The following GRID1 variants were observed in gnomAD, a reference collection of about 807,000 sequenced individuals.
GRID1 encodes the protein glutamate receptor ionotropic, delta-1.
A neutral mutation model predicts 98.0 loss-of-function variants in GRID1; 28 were observed. That is an observed-to-expected ratio of 0.29 (90% CI 0.21 to 0.39). The LOEUF is 0.39. Among genes scored for constraint, GRID1 ranks in the 10% least tolerant of loss-of-function variants. The pLI, the probability that GRID1 is intolerant of heterozygous loss-of-function variation, is 1.00. For synonymous variants in GRID1, 553 were observed against 538.5 expected, an observed-to-expected ratio of 1.03 and a Z score of -0.37; for missense variants, 1,111 against 1,340.5, an observed-to-expected ratio of 0.83 and a Z score of 2.67.
chr10:86,102,752 A>G (rs1844315610), intron 4 of GRID1, among the ~76,000 whole-genome samples: 1 of 151,890 alleles, frequency 6.6e-6, no homozygotes, highest in African/African-American at 2.4e-5. Context: ...TCAAAACCAG[A>G]CTGCGAGGCC....
rs77259441 is a variant in GRID1, at chr10:85,858,027, C to T, written c.952-1837G>A. ...TGCAAGGCATCACAAACATCTGCCCCGTCATGCCTGTCCAGCCCTCAAGGG... is the reference window on the plus strand; with the variant it reads ...TGCAAGGCATCACAAACATCTGCCCTGTCATGCCTGTCCAGCCCTCAAGGG... On this transcript the variant is annotated intron_variant, in intron 6 of 15. Coordinates refer to ENST00000327946, the MANE Select transcript of GRID1 (RefSeq NM_017551.3). Among the ~76,000 whole-genome samples the T allele has an allele frequency of 5.5e-3, 842 of 152,346 alleles. 6 individuals are homozygous for T. Among genetic ancestry groups the T allele is most frequent in the African/African-American group, 0.019 (782 of 41,578 alleles).
chr10:86,040,987 T>G (rs1843337636), intron 4 of GRID1, among the ~76,000 whole-genome samples: 1 of 152,144 alleles, frequency 6.6e-6, no homozygotes. Context: ...GCTGCACAAC[T>G]TGGCTCTCTC....
chr10:85,721,402 A>G (rs11201752), intron 12 of GRID1, among the ~76,000 whole-genome samples: 9,044 of 152,272 alleles, frequency 0.059, 506 homozygotes, highest in African/African-American at 0.15. Context: ...GCAAATGTTC[A>G]TGGCAGCTTT....
intron 2 of GRID1, among the ~76,000 whole-genome samples, chr10:86,268,482 G>A (rs570487738): frequency 2.6e-4 from 40 of 152,182 alleles, no homozygotes; most frequent in Non-Finnish European, 5.7e-4. Flanking sequence ...GGGGTTGTTT[G>A]TTACCACGGG....
chr10:86,102,931 G>C (rs1364296413), intron 4 of GRID1, among the ~76,000 whole-genome samples: 1 of 152,132 alleles, frequency 6.6e-6, no homozygotes, highest in Non-Finnish European at 1.5e-5. Context: ...AGTCTCATGA[G>C]AACTGACAGT....
chr10:85,657,173 C>T (rs747117456), intron 12 of GRID1, among the ~76,000 whole-genome samples: 2 of 152,304 alleles, frequency 1.3e-5, no homozygotes, highest in Admixed American at 6.5e-5. Flanking sequence ...TTCTCCAGGA[C>T]GCCTTTGCTG....
chr10:86,130,667 C>A (rs7923310), intron 4 of GRID1, among the ~76,000 whole-genome samples: 10,976 of 152,236 alleles, frequency 0.072, 779 homozygotes, highest in African/African-American at 0.17. Flanking sequence ...CTACTGAGAG[C>A]CACTTCCATC....
intron 4 of GRID1, among the ~76,000 whole-genome samples, chr10:85,940,542 GTCTGGGTGACTTACAGC>G (rs535805504): frequency 8.3e-4 from 127 of 152,312 alleles, no homozygotes; most frequent in African/African-American, 2.9e-3. Context: ...TTCTATCGAT[GTCTGGGTGACTTACAGC>G]TCTGGAAATA....
intron 3 of GRID1, among the ~76,000 whole-genome samples, chr10:86,156,166 G>C (rs924421799): frequency 1.3e-5 from 2 of 152,246 alleles, no homozygotes; most frequent in African/African-American, 2.4e-5. Flanking sequence ...GGAGAAGAGA[G>C]GGGCAGCAGA....
At chr10:86,227,257 C>G (rs541966987) in intron 2 of GRID1, among the ~76,000 whole-genome samples, 1 of 152,326 alleles carries the variant, frequency 6.6e-6, no homozygotes, top group East Asian at 1.9e-4. Flanking sequence ...CCGCCCCTCC[C>G]CTCAAAGGGG....
intron 4 of GRID1, among the ~76,000 whole-genome samples, chr10:85,978,599 A>G (rs916203603): frequency 3.3e-5 from 5 of 152,002 alleles, no homozygotes; most frequent in African/African-American, 4.8e-5. Context: ...TGTGTAATGG[A>G]CAATTACTTT....
chr10:86,118,330 G>A (rs1010326480), intron 4 of GRID1, among the ~76,000 whole-genome samples: 4 of 152,070 alleles, frequency 2.6e-5, no homozygotes, highest in African/African-American at 7.2e-5. Flanking sequence ...TGGAGACTCG[G>A]GGGAAAGGGT....
chr10:86,349,106 C>T (rs967119021), intron 2 of GRID1, among the ~76,000 whole-genome samples: 2 of 152,208 alleles, frequency 1.3e-5, no homozygotes, highest in Non-Finnish European at 2.9e-5. Flanking sequence ...GCAATACCTC[C>T]CTGCCAAGCT....
chr10:86,147,699 T>C (rs553267893), intron 3 of GRID1, among the ~76,000 whole-genome samples: 1 of 152,344 alleles, frequency 6.6e-6, no homozygotes, highest in African/African-American at 2.4e-5. Flanking sequence ...CTTTGACATC[T>C]GGGGCCTCAC....
intron 8 of GRID1, among the ~76,000 whole-genome samples, chr10:85,746,318 G>C (rs1397997798): frequency 1.3e-5 from 2 of 152,080 alleles, no homozygotes; most frequent in African/African-American, 2.4e-5. Flanking sequence ...CATTCGAGAG[G>C]GGTGTGAACC....
intron 3 of GRID1, among the ~76,000 whole-genome samples, chr10:86,197,584 T>G (rs2132012894): frequency 6.6e-6 from 1 of 151,978 alleles, no homozygotes; most frequent in South Asian, 2.1e-4. Flanking sequence ...GGCACAATGG[T>G]GTGTGGTGAG....
chr10:85,916,288 G>T lies in GRID1; in HGVS notation c.727-49C>A, dbSNP rs766215105. 5.3e-6 allele frequency: 7 copies of T among 1,313,864 alleles called. No homozygotes were observed. The Admixed American group carries it at 8.4e-5, about 16-fold the overall frequency. 81.4% of individuals were successfully genotyped at this position (1,313,864 alleles called of 1,614,324 possible). A position where few individuals can be genotyped will look rare whatever the true frequency, so the allele number is the denominator to read the frequency against. On this transcript the variant is annotated intron_variant, in intron 4 of 15. Coordinates refer to ENST00000327946, the MANE Select transcript of GRID1 (RefSeq NM_017551.3). This position sits in a 1 kb window ranked among gnomAD's most constrained non-coding sequence, Gnocchi z 4.0. ...ATGAACAGAAGCAAGACAGAAGCTG[G>T]CAGACACAGGATGATTGCCGAGACA...
chr10:86,212,374 C>T (rs888974274), intron 2 of GRID1, among the ~76,000 whole-genome samples: 5 of 152,238 alleles, frequency 3.3e-5, no homozygotes, highest in Non-Finnish European at 7.3e-5. Flanking sequence ...CTGGGTGCCA[C>T]CTTAAAGAAC....
intron 4 of GRID1, among the ~76,000 whole-genome samples, chr10:85,960,846 G>A (rs1589314687): frequency 6.6e-6 from 1 of 152,196 alleles, no homozygotes; most frequent in Admixed American, 6.5e-5. Context: ...CTCACTCAGG[G>A]AAAACATTTC....
Sources: allele counts gnomAD v4.1 joint callset (sites outside exome capture counted in the v4.1 genomes callset), GRCh38; gene constraint gnomAD v4.1.1; non-coding constraint Gnocchi (gnomAD v3.1); transcripts MANE v1.5; gene names NCBI Gene and HGNC (gene_info 2026-07-23, HGNC 2026-07-21).